Variants in PDGFB observed in about 807,000 individuals in gnomAD.
PDGFB encodes platelet derived growth factor subunit B, also known as platelet-derived growth factor subunit B.
PDGFB carries 6 observed loss-of-function variants against 29.0 expected under a neutral mutation model. The observed-to-expected ratio is 0.21, with a 90% confidence interval of 0.11 to 0.41. The LOEUF is 0.41. PDGFB is among the 10% of genes least tolerant of loss of function. The probability of loss-of-function intolerance (pLI) is 1.00; values close to 1 mark genes in which losing one functional copy is unlikely to be tolerated. For missense variants in PDGFB, 299 were observed against 341.8 expected, an observed-to-expected ratio of 0.87 and a Z score of 0.99; for synonymous variants, 144 against 140.8, an observed-to-expected ratio of 1.02 and a Z score of -0.16.
rs569333791 is a variant in PDGFB at position 39,242,941 on chromosome 22, A to T, written c.63+960T>A. On this transcript the variant is annotated intron_variant, in intron 1 of 6. Coordinates refer to ENST00000331163, the MANE Select transcript of PDGFB (RefSeq NM_002608.4). This position sits in a 1 kb window ranked among gnomAD's most constrained non-coding sequence, Gnocchi z 5.7. ...CCTTTCCCACCTGGATTCCGGGTAG[A>T]CTTGCCAACTCACGGCTACGTGAGG... 1 of 232,998 alleles carries T rather than the reference A, an allele frequency of 4.3e-6. No individual in the cohort carries two copies. The highest frequency in any genetic ancestry group is 6.0e-5 in the East Asian group (1 of 16,542). The allele number at this position is 232,998 out of a possible 1,614,324, so 14.4% of individuals were successfully genotyped here.
intron 5 of PDGFB, among the ~76,000 whole-genome samples, chr22:39,227,799 C>T (rs1008906107): frequency 6.6e-6 from 1 of 152,182 alleles, no homozygotes; most frequent in African/African-American, 2.4e-5. Context: ...TTTGAGCTCT[C>T]CCAGCCTACC....
In PDGFB at chr22:39,244,160, G is replaced by T. The variant is rs1275913639; in HGVS notation, c.-197C>A. ...CCCCCGGCCCCGGCTCCGTCGCTGG[G>T]GGGCAGGGGAGGACCTGGGCGCAGG... On this transcript the variant is annotated 5_prime_UTR_variant, in exon 1 of 7. Coordinates refer to ENST00000331163, the MANE Select transcript of PDGFB (RefSeq NM_002608.4). This position sits in a 1 kb window ranked among gnomAD's most constrained non-coding sequence, Gnocchi z 4.5. 3 of 294,438 alleles carry T rather than the reference G, an allele frequency of 1.0e-5. No homozygotes were observed. Among genetic ancestry groups the T allele is most frequent in the Non-Finnish European group, 1.9e-5 (3 of 159,532 alleles). 18.2% of individuals were successfully genotyped at this position (294,438 alleles called of 1,614,324 possible). A position where few individuals can be genotyped will look rare whatever the true frequency, so the allele number is the denominator to read the frequency against.
chr22:39,228,715 C>A (rs994759068), intron 5 of PDGFB, among the ~76,000 whole-genome samples: 9 of 151,946 alleles, frequency 5.9e-5, no homozygotes, highest in Admixed American at 2.0e-4. Flanking sequence ...ATGGTGAAAC[C>A]CCGTTTCTAC....
chr22:39,240,921 GCACA>G (rs66513025), intron 1 of PDGFB: 301 of 1,231,340 alleles, frequency 2.4e-4, no homozygotes, highest in Middle Eastern at 4.1e-4. Flanking sequence ...TCTCAGATGC[GCACA>G]CACACACACA....
chr22:39,239,371 G>A (rs1049289207), intron 1 of PDGFB, among the ~76,000 whole-genome samples: 3 of 151,968 alleles, frequency 2.0e-5, no homozygotes, highest in Non-Finnish European at 2.9e-5. Context: ...AGCCTGGGCC[G>A]TGTGGGCTTA....
intron 1 of PDGFB, chr22:39,241,117 C>G (rs956515755): frequency 2.9e-5 from 17 of 586,356 alleles, no homozygotes; most frequent in Non-Finnish European, 5.2e-5. Flanking sequence ...TTCACTCTTT[C>G]CCGGAAGAAG....
chr22:39,229,778 C>T (rs1264369704), intron 5 of PDGFB, among the ~76,000 whole-genome samples: 1 of 152,176 alleles, frequency 6.6e-6, no homozygotes, highest in Non-Finnish European at 1.5e-5. Flanking sequence ...TCTTCAGCCA[C>T]AGCAGTGTGT....
intron 4 of PDGFB, among the ~76,000 whole-genome samples, chr22:39,230,746 G>A (rs1393974218): frequency 1.3e-5 from 2 of 152,270 alleles, no homozygotes; most frequent in Non-Finnish European, 1.5e-5. Flanking sequence ...GCCCAAGCCA[G>A]GGAGGGAAGG....
chr22:39,240,194 G>A (rs1336330435), intron 1 of PDGFB, among the ~76,000 whole-genome samples: 3 of 152,018 alleles, frequency 2.0e-5, no homozygotes, highest in Non-Finnish European at 4.4e-5. Flanking sequence ...TGCAGGAGCA[G>A]AGGAAAATTA....
chr22:39,242,875 C>T lies in PDGFB; in HGVS notation c.63+1026G>A, dbSNP rs2146457405. ...CCAGTCACGCCGCGCTCCCGGCTGC[C>T]CTCTCCTCCCCTCCACCGCGCGCGT... On this transcript the variant is annotated intron_variant, in intron 1 of 6. Coordinates refer to ENST00000331163, the MANE Select transcript of PDGFB (RefSeq NM_002608.4). This position sits in a 1 kb window ranked among gnomAD's most constrained non-coding sequence, Gnocchi z 5.7. The T allele has an allele frequency of 4.3e-6, 1 of 232,706 alleles. No individual in the cohort carries two copies. The highest frequency in any genetic ancestry group is 6.1e-5 in the East Asian group (1 of 16,524). 14.4% of individuals were successfully genotyped at this position (232,706 alleles called of 1,614,324 possible).
intron 1 of PDGFB, among the ~76,000 whole-genome samples, chr22:39,241,890 G>A (rs1932575520): frequency 1.3e-5 from 2 of 152,168 alleles, no homozygotes; most frequent in Admixed American, 1.3e-4. Context: ...AGGTTTGAGG[G>A]GCGTCGGGCT....
chr22:39,238,779 C>T (rs1317988923), intron 1 of PDGFB, among the ~76,000 whole-genome samples: 2 of 152,250 alleles, frequency 1.3e-5, no homozygotes, highest in East Asian at 1.9e-4. Flanking sequence ...GCATGTCCCA[C>T]GTCAGAGGCT....
chr22:39,237,892 C>T (rs1405704190), intron 1 of PDGFB, among the ~76,000 whole-genome samples: 4 of 152,226 alleles, frequency 2.6e-5, no homozygotes, highest in South Asian at 4.1e-4. Flanking sequence ...GCAGAGAAAA[C>T]GCCAAAGCCG....
In PDGFB at chr22:39,231,448, T is replaced by G. The variant is rs559002784; in HGVS notation, c.456+174A>C. 9.2e-5 allele frequency among the ~76,000 whole-genome samples: 14 copies of G among 151,866 alleles called. No individual in the cohort carries two copies. The highest frequency in any genetic ancestry group is 3.4e-4 in the African/African-American group (14 of 41,378). On this transcript the variant is annotated intron_variant, in intron 4 of 6. Transcript: ENST00000331163. This position sits in a 1 kb window ranked among gnomAD's most constrained non-coding sequence, Gnocchi z 4.3. ...CATGGTCGGCCTCAGTCCACCTGCC[T>G]AGGAAGAGCTTCCCAAGAGTGGGCC...
In PDGFB at chr22:39,231,584, A is replaced by T; in HGVS notation, c.456+38T>A. 6.8e-7 allele frequency: 1 copy of T among 1,471,450 alleles called. No individual in the cohort carries two copies. Among genetic ancestry groups the T allele is most frequent in the Non-Finnish European group, 9.1e-7 (1 of 1,094,914 alleles). 91.1% of individuals were successfully genotyped at this position (1,471,450 alleles called of 1,614,324 possible). ...CCCAGAAGGGTGGTCTCCACCCACCACCGGGACCAGCCTCGGGGGGCCGCG... is the reference window on the plus strand; with the variant it reads ...CCCAGAAGGGTGGTCTCCACCCACCTCCGGGACCAGCCTCGGGGGGCCGCG... On this transcript the variant is annotated intron_variant, in intron 4 of 6. Coordinates refer to ENST00000331163, the MANE Select transcript of PDGFB (RefSeq NM_002608.4). This position sits in a 1 kb window ranked among gnomAD's most constrained non-coding sequence, Gnocchi z 4.3.
chr22:39,230,873 G>A (rs182184922), intron 4 of PDGFB, among the ~76,000 whole-genome samples: 1 of 152,378 alleles, frequency 6.6e-6, no homozygotes, highest in African/African-American at 2.4e-5. Context: ...CAGCCTGTGG[G>A]CGAGGCTGGC....
chr22:39,226,486 C>T (rs528153679), intron 5 of PDGFB, among the ~76,000 whole-genome samples: 258 of 152,206 alleles, frequency 1.7e-3, no homozygotes, highest in African/African-American at 5.9e-3. Context: ...CAGCTGTCCC[C>T]GTTGAGTCTC....
chr22:39,237,035 C>T (rs542451029), intron 1 of PDGFB, among the ~76,000 whole-genome samples: 4 of 152,260 alleles, frequency 2.6e-5, no homozygotes, highest in East Asian at 1.9e-4. Flanking sequence ...TCCACATTCC[C>T]GGAGCCGAAG....
intron 4 of PDGFB, among the ~76,000 whole-genome samples, chr22:39,230,892 T>C (rs573251089): frequency 2.0e-5 from 3 of 152,296 alleles, no homozygotes; most frequent in Non-Finnish European, 2.9e-5. Context: ...GCCTGGGGCG[T>C]GCAGGAATCT....
Sources: gnomAD v4.1 joint callset for allele counts (sites outside exome capture counted in the v4.1 genomes callset) on GRCh38, gnomAD v4.1.1 for gene constraint, Gnocchi (gnomAD v3.1) non-coding constraint, MANE v1.5 for transcripts, NCBI Gene and HGNC (gene_info 2026-07-23, HGNC 2026-07-21) for gene names.